PPM1H: variants seen among roughly 807,000 people sequenced by gnomAD.
PPM1H encodes the protein protein phosphatase 1H.
A neutral mutation model predicts 54.9 loss-of-function variants in PPM1H; 27 were observed. The observed-to-expected ratio is 0.49, with a 90% CI of 0.36 to 0.68. The LOEUF (loss-of-function observed/expected upper bound fraction) is 0.68, where lower values mean the gene tolerates loss of function less well. Ranked by LOEUF, PPM1H falls within the 30% of genes least tolerant of loss-of-function variation. The probability of loss-of-function intolerance (pLI) is 0.00; values close to 1 mark genes in which losing one functional copy is unlikely to be tolerated. For missense variants in PPM1H, 596 were observed against 667.8 expected, an observed-to-expected ratio of 0.89 and a Z score of 1.19; for synonymous variants, 305 against 270.8, an observed-to-expected ratio of 1.13 and a Z score of -1.24.
intron 5 of PPM1H, among the ~76,000 whole-genome samples, chr12:62,732,650 C>T (rs896710093): frequency 5.0e-4 from 76 of 151,128 alleles, no homozygotes; most frequent in African/African-American, 1.8e-3. Context: ...CAGCTCACTG[C>T]AAGTTCTGCC....
chr12:62,682,176 C>T (rs1037520811), intron 8 of PPM1H, among the ~76,000 whole-genome samples: 3 of 152,210 alleles, frequency 2.0e-5, no homozygotes, highest in African/African-American at 4.8e-5. Context: ...AATAGAATTA[C>T]TGTTACCATT....
chr12:62,858,966 C>T (rs1323509474), intron 1 of PPM1H, among the ~76,000 whole-genome samples: 1 of 152,182 alleles, frequency 6.6e-6, no homozygotes, highest in Non-Finnish European at 1.5e-5. Context: ...TTCTAATTGT[C>T]ACACATTAAT....
chr12:62,693,585 C>G (rs577332523), intron 7 of PPM1H, among the ~76,000 whole-genome samples: 2 of 152,328 alleles, frequency 1.3e-5, no homozygotes, highest in East Asian at 1.9e-4. Flanking sequence ...TATAACACAG[C>G]CAGCTTGACC....
intron 1 of PPM1H, among the ~76,000 whole-genome samples, chr12:62,859,031 A>G (rs1247478686): frequency 1.3e-5 from 2 of 152,232 alleles, no homozygotes; most frequent in Non-Finnish European, 2.9e-5. Context: ...AAAAATCCGT[A>G]AAGTCAGAAG....
Position 62,648,309 on chromosome 12 carries a change from AAAG to A in PPM1H, c.*177_*179del. Reference sequence around the variant, plus strand: ...GCTCTTGTTGAGTTGACCTGTTACTAAAGAAGAAATGGAAACCAAAGGGTCATC... The same window carrying A: ...GCTCTTGTTGAGTTGACCTGTTACTAAAGAAATGGAAACCAAAGGGTCATC... On this transcript the variant is annotated 3_prime_UTR_variant, in exon 10 of 10. Transcript: ENST00000228705. 1.4e-6 allele frequency: 1 copy of A among 700,188 alleles called. No individual in the cohort carries two copies. The highest frequency in any genetic ancestry group is 2.3e-6 in the Non-Finnish European group (1 of 435,610). The allele number at this position is 700,188 out of a possible 1,614,324, so 43.4% of individuals were successfully genotyped here.
chr12:62,828,147 A>T (rs1157581550), intron 2 of PPM1H, among the ~76,000 whole-genome samples: 2 of 152,148 alleles, frequency 1.3e-5, no homozygotes, highest in Non-Finnish European at 2.9e-5. Context: ...TTTACCATTA[A>T]GGGCATGTCT....
chr12:62,842,477 C>T (rs986918800), intron 1 of PPM1H, among the ~76,000 whole-genome samples: 3 of 152,174 alleles, frequency 2.0e-5, no homozygotes, highest in Non-Finnish European at 4.4e-5. Flanking sequence ...CAGAAGTATT[C>T]TAATCTCAAC....
chr12:62,769,851 G>T (rs1273469371), intron 4 of PPM1H, among the ~76,000 whole-genome samples: 2 of 152,150 alleles, frequency 1.3e-5, no homozygotes, highest in African/African-American at 4.8e-5. Context: ...GCGAAAAGTG[G>T]GCTGGAGGGG....
chr12:62,648,577 C>T lies in PPM1H; in HGVS notation c.1457G>A (p.Gly486Glu), dbSNP rs756322721. 1.2e-6 allele frequency: 2 copies of T among 1,613,992 alleles called. No homozygotes were observed. The highest frequency in any genetic ancestry group is 1.7e-6 in the Non-Finnish European group (2 of 1,179,892). The part of the protein sequence containing the change: ...MRARGVLKDR[G>E]WRISNDRLGS... ...CAGTCGGTCATTAGATATCCGCCAT[C>T]CTCTGTCCTTCAGCACACCCCGGGC... The change falls in exon 10 of 10, where the codon GGA becomes GAA. Residue 486 changes from glycine to glutamate, a missense_variant. Physicochemically the swap from Gly to Glu is moderately conservative, Grantham distance 98 (BLOSUM62 -2). Transcript: ENST00000228705.
intron 3 of PPM1H, among the ~76,000 whole-genome samples, chr12:62,793,478 A>C (rs928764111): frequency 2.0e-5 from 3 of 152,044 alleles, no homozygotes; most frequent in Admixed American, 2.0e-4. Flanking sequence ...TAATCTCAGC[A>C]CTTTGGGAGG....
chr12:62,825,574 T>C (rs557125988), intron 2 of PPM1H, among the ~76,000 whole-genome samples: 1 of 152,290 alleles, frequency 6.6e-6, no homozygotes, highest in African/African-American at 2.4e-5. Context: ...TGAGTTCATG[T>C]CCTTTGCAGG....
intron 1 of PPM1H, among the ~76,000 whole-genome samples, chr12:62,908,407 C>CAAAAAA (rs751766456): frequency 1.0e-5 from 1 of 96,866 alleles, no homozygotes; most frequent in Non-Finnish European, 2.0e-5. Flanking sequence ...GACTCCGTCT[C>CAAAAAA]AAAAAAAAAA....
At chr12:62,733,209 TC>T (rs2076332734) in intron 5 of PPM1H, among the ~76,000 whole-genome samples, 1 of 151,886 alleles carries the variant, frequency 6.6e-6, no homozygotes. Context: ...CTGGGAGAAA[TC>T]CACATCACAC....
intron 4 of PPM1H, among the ~76,000 whole-genome samples, chr12:62,751,435 T>C (rs2076442217): frequency 6.6e-6 from 1 of 152,218 alleles, no homozygotes; most frequent in African/African-American, 2.4e-5. Flanking sequence ...TTCACGCATT[T>C]AAAATGGGTT....
chr12:62,874,910 A>G (rs1870107766), intron 1 of PPM1H, among the ~76,000 whole-genome samples: 1 of 152,208 alleles, frequency 6.6e-6, no homozygotes, highest in African/African-American at 2.4e-5. Context: ...TTGGGTTTCT[A>G]TAACATGAGA....
At chr12:62,868,289 T>A (rs1869854673) in intron 1 of PPM1H, among the ~76,000 whole-genome samples, 1 of 152,216 alleles carries the variant, frequency 6.6e-6, no homozygotes, top group Admixed American at 6.5e-5. Context: ...TGTTATAGAT[T>A]CCCTGTAAAG....
intron 1 of PPM1H, among the ~76,000 whole-genome samples, chr12:62,868,086 C>A (rs1869848253): frequency 6.6e-6 from 1 of 152,110 alleles, no homozygotes; most frequent in Admixed American, 6.5e-5. Flanking sequence ...AAAAGGCTGC[C>A]AAATGCATGA....
chr12:62,792,071 C>T (rs1369830308), intron 3 of PPM1H, among the ~76,000 whole-genome samples: 2 of 152,214 alleles, frequency 1.3e-5, no homozygotes, highest in Non-Finnish European at 2.9e-5. Context: ...GTAACAGGGC[C>T]GTCCACGGCA....
intron 4 of PPM1H, chr12:62,755,566 G>A: frequency 1.5e-6 from 1 of 656,246 alleles, no homozygotes; most frequent in Non-Finnish European, 2.8e-6. Context: ...CTTGCAGCGG[G>A]GAGCCAAAAG....
Sources: allele counts gnomAD v4.1 joint callset (sites outside exome capture counted in the v4.1 genomes callset), GRCh38; gene constraint gnomAD v4.1.1; transcripts MANE v1.5; gene names NCBI Gene and HGNC (gene_info 2026-07-23, HGNC 2026-07-21).